NR1I2: variants seen among roughly 807,000 people sequenced by gnomAD.
NR1I2 encodes the protein orphan nuclear receptor PAR1.
NR1I2 carries 42 observed loss-of-function variants against 43.3 expected under a neutral mutation model. The ratio of observed to expected loss-of-function variants is 0.97; its 90% CI spans 0.76 to 1.26. The LOEUF (loss-of-function observed/expected upper bound fraction) is 1.26, where lower values mean the gene tolerates loss of function less well. NR1I2 is among the 50% of genes most tolerant of loss of function. The pLI, the probability that NR1I2 is intolerant of heterozygous loss-of-function variation, is 0.00. For missense variants in NR1I2, 559 were observed against 566.7 expected, an observed-to-expected ratio of 0.99 and a Z score of 0.14; for synonymous variants, 229 against 215.0, an observed-to-expected ratio of 1.06 and a Z score of -0.57.
chr3:119,805,539 C>T (rs1270333626), intron 1 of NR1I2, among the ~76,000 whole-genome samples: 2 of 151,980 alleles, frequency 1.3e-5, no homozygotes, highest in Admixed American at 6.6e-5. Context: ...CCCATCTCTA[C>T]TGAAAATACA....
chr3:119,815,402 G>A lies in NR1I2; in HGVS notation c.1017G>A (p.Glu339=), dbSNP rs756203877. The A allele has an allele frequency of 1.2e-6, 2 of 1,613,422 alleles. No homozygotes were observed. Among genetic ancestry groups the A allele is most frequent in the South Asian group, 1.1e-5 (1 of 91,060 alleles). The change falls in exon 7 of 9, where the codon GAG becomes GAA. Residue 339 remains glutamate, a synonymous_variant. Transcript: ENST00000393716. ...AGAAGCTGCAGCTGCATGAGGAGGA[G>A]TATGTGCTGATGCAGGCCATCTCCC...
rs2055352316 is a variant in NR1I2, at chr3:119,817,901, A to G, written c.*689A>G. 1.0e-6 allele frequency: 1 copy of G among 985,118 alleles called. No homozygotes were observed. The highest frequency in any genetic ancestry group is 6.0e-5 in the Admixed American group (1 of 16,690). The allele number at this position is 985,118 out of a possible 1,614,324, so 61.0% of individuals were successfully genotyped here. A position where few individuals can be genotyped will look rare whatever the true frequency, so the allele number is the denominator to read the frequency against. ...ATAGGTAGCCTGCTGTGGGGTATAC[A>G]GCATTGACTCAGATATAGATCCTGA... On this transcript the variant is annotated 3_prime_UTR_variant, in exon 9 of 9. Transcript: ENST00000393716.
intron 1 of NR1I2, among the ~76,000 whole-genome samples, chr3:119,791,316 A>G (rs1489620136): frequency 6.6e-6 from 1 of 152,126 alleles, no homozygotes; most frequent in East Asian, 1.9e-4. Flanking sequence ...CTTGGCCTCC[A>G]GAGTGGCCTC....
At chr3:119,799,092 G>A (rs547429211) in intron 1 of NR1I2, among the ~76,000 whole-genome samples, 1 of 152,302 alleles carries the variant, frequency 6.6e-6, no homozygotes, top group South Asian at 2.1e-4. Flanking sequence ...TGGTGAATGT[G>A]TTTAACATTT....
intron 3 of NR1I2, chr3:119,810,532 T>G (rs755490483): frequency 3.1e-6 from 1 of 319,082 alleles, no homozygotes; most frequent in Non-Finnish European, 5.9e-6. Flanking sequence ...CATTTGCGGG[T>G]AGGAGTGTGA....
chr3:119,793,400 T>C (rs1362959799), intron 1 of NR1I2, among the ~76,000 whole-genome samples: 1 of 152,110 alleles, frequency 6.6e-6, no homozygotes, highest in African/African-American at 2.4e-5. Context: ...AGAGTTACAG[T>C]GCAGCAGAGA....
chr3:119,806,285 T>C (rs1459459609), intron 1 of NR1I2, among the ~76,000 whole-genome samples: 2 of 151,890 alleles, frequency 1.3e-5, no homozygotes, highest in Non-Finnish European at 2.9e-5. Context: ...TACAGCTCAA[T>C]TTTTTTTCTT....
rs1335053101 is a variant in NR1I2 at position 119,785,505 on chromosome 3, G to A, written c.-23+3205G>A. ...CTCTACCCAGAGCCAAGGCTGAGAA[G>A]GCCTGGGATAGACCTGTCTCCCTCC... is the stretch of plus-strand genomic sequence containing the variant. On this transcript the variant is annotated intron_variant, in intron 1 of 8. Transcript: ENST00000393716. Among the ~76,000 whole-genome samples the A allele has an allele frequency of 2.0e-5, 3 of 152,330 alleles. No homozygotes were observed. The East Asian group carries it at 5.8e-4, about 29-fold the overall frequency.
At position 119,810,603 on chromosome 3, in the gene NR1I2, GC is replaced by G. The variant is rs1010907992; in HGVS notation, c.331+413del. 26 of 218,212 alleles carry G rather than the reference GC, an allele frequency of 1.2e-4. No individual in the cohort carries two copies. In the Admixed American group the frequency reaches 1.2e-3, roughly 10 times the overall value. The allele number at this position is 218,212 out of a possible 1,614,324, so 13.5% of individuals were successfully genotyped here. On this transcript the variant is annotated intron_variant, in intron 3 of 8. Coordinates refer to ENST00000393716, the MANE Select transcript of NR1I2 (RefSeq NM_003889.4). ...AGGACCCGGGGCCTTCTAGGTGCTAGCCCCATCAGCTGCCCCAGACCTGGAT... is the reference window on the plus strand; with the variant it reads ...AGGACCCGGGGCCTTCTAGGTGCTAGCCCATCAGCTGCCCCAGACCTGGAT...
intron 8 of NR1I2, among the ~76,000 whole-genome samples, 159 bp from the exon 9 acceptor site, chr3:119,816,909 T>C (rs1312706834): frequency 2.0e-5 from 3 of 151,596 alleles, no homozygotes; most frequent in Non-Finnish European, 4.4e-5. Context: ...GCCTTTCTCA[T>C]CTACAGGGTA....
chr3:119,813,823 TC>T (rs577786796), intron 5 of NR1I2, among the ~76,000 whole-genome samples: 312 of 152,228 alleles, frequency 2.0e-3, no homozygotes, highest in Non-Finnish European at 3.4e-3. Flanking sequence ...CATTGGGAGA[TC>T]TTTGGTGAAA....
At position 119,813,095 on chromosome 3, in the gene NR1I2, C is replaced by T. The variant is rs948901581; in HGVS notation, c.794+135C>T. The T allele has an allele frequency of 7.8e-5, 80 of 1,026,380 alleles. 1 individual carries two copies. Among genetic ancestry groups the T allele is most frequent in the African/African-American group, 5.4e-4 (34 of 63,286 alleles). 63.6% of individuals were successfully genotyped at this position (1,026,380 alleles called of 1,614,324 possible). A position where few individuals can be genotyped will look rare whatever the true frequency, so the allele number is the denominator to read the frequency against. ...CCCTCCTTTTCCTGTGCCCTTTCCCCGGGCAGCCAGTGCTGCTGGGGAGTA... is the reference window on the plus strand; with the variant it reads ...CCCTCCTTTTCCTGTGCCCTTTCCCTGGGCAGCCAGTGCTGCTGGGGAGTA... On this transcript the variant is annotated intron_variant, in intron 5 of 8. Coordinates refer to ENST00000393716, the MANE Select transcript of NR1I2 (RefSeq NM_003889.4).
intron 1 of NR1I2, among the ~76,000 whole-genome samples, chr3:119,795,417 A>G (rs2054984471): frequency 6.6e-6 from 1 of 152,120 alleles, no homozygotes; most frequent in African/African-American, 2.4e-5. Context: ...CTTGTTTAGG[A>G]CCACACAGCA....
intron 7 of NR1I2, 33 bp downstream of exon 7, chr3:119,815,472 C>T (rs2055312367): frequency 6.5e-7 from 1 of 1,550,380 alleles, no homozygotes; most frequent in South Asian, 1.1e-5. Context: ...CTGACATCCC[C>T]CCCAGCCTTA....
intron 1 of NR1I2, among the ~76,000 whole-genome samples, chr3:119,787,738 TGATTA>T (rs1316836485): frequency 5.5e-5 from 1 of 18,130 alleles, no homozygotes. Flanking sequence ...GATAGTAGGA[TGATTA>T]TATATATATT....
At chr3:119,801,637 C>T (rs917648889) in intron 1 of NR1I2, among the ~76,000 whole-genome samples, 14 of 152,324 alleles carry the variant, frequency 9.2e-5, no homozygotes, top group African/African-American at 2.4e-4. Flanking sequence ...TATTTCTTGC[C>T]GTGTAACAAA....
intron 3 of NR1I2, 40 bp downstream of exon 3, chr3:119,810,234 A>C: frequency 1.3e-6 from 2 of 1,560,062 alleles, no homozygotes; most frequent in Non-Finnish European, 1.7e-6. Flanking sequence ...GCCGGGGTGC[A>C]CGGCTCTGAG....
In NR1I2 at chr3:119,789,347, A is replaced by G. The variant is rs928425309; in HGVS notation, c.-23+7047A>G. Among the ~76,000 whole-genome samples, 5 of 152,190 alleles carry G rather than the reference A, an allele frequency of 3.3e-5. No individual in the cohort carries two copies. The South Asian group carries it at 8.3e-4, about 25-fold the overall frequency. On this transcript the variant is annotated intron_variant, in intron 1 of 8. Transcript: ENST00000393716. ...TAAATTACAAAGAAAAAAAGGTTCA[A>G]TGGACTCACAGTTCCATGTGGCTGG...
chr3:119,793,944 TTTC>T (rs1198412182), intron 1 of NR1I2, among the ~76,000 whole-genome samples: 1 of 152,174 alleles, frequency 6.6e-6, no homozygotes, highest in African/African-American at 2.4e-5. Flanking sequence ...TTTGTTGTGA[TTTC>T]TTTTCTCATT....
Sources: gnomAD v4.1 joint callset for allele counts (sites outside exome capture counted in the v4.1 genomes callset) on GRCh38, gnomAD v4.1.1 for gene constraint, MANE v1.5 for transcripts, NCBI Gene and HGNC (gene_info 2026-07-23, HGNC 2026-07-21) for gene names.